The following KPNA3 variants were observed in gnomAD, a reference collection of about 807,000 sequenced individuals.
The protein encoded by KPNA3 is importin subunit alpha-4.
Under a neutral mutation model 73.8 loss-of-function variants are expected in KPNA3, and 13 were observed. The ratio of observed to expected loss-of-function variants is 0.18; its 90% confidence interval spans 0.11 to 0.28. The LOEUF (loss-of-function observed/expected upper bound fraction) is 0.28. Among genes scored for constraint, KPNA3 ranks in the 10% least tolerant of loss-of-function variants. The pLI is 1.00. For missense variants in KPNA3, 360 were observed against 618.1 expected (o/e 0.58, Z 4.43); for synonymous variants, 186 against 206.9 (o/e 0.90, Z 0.87).
At chr13:49,760,048 G>A (rs1371445532) in intron 1 of KPNA3, among the ~76,000 whole-genome samples, 1 of 152,118 alleles carries the variant, frequency 6.6e-6, no homozygotes, top group East Asian at 1.9e-4. Flanking sequence ...CAAATCATCT[G>A]AATCTGATAA....
intron 1 of KPNA3, among the ~76,000 whole-genome samples, chr13:49,788,863 T>C (rs1298920281): frequency 6.6e-6 from 1 of 151,942 alleles, no homozygotes; most frequent in Non-Finnish European, 1.5e-5. Flanking sequence ...TGATGATAAT[T>C]ACTCCCTCCC....
intron 2 of KPNA3, among the ~76,000 whole-genome samples, chr13:49,736,761 C>T (rs1954525750): frequency 6.6e-6 from 1 of 152,130 alleles, no homozygotes; most frequent in Non-Finnish European, 1.5e-5. Flanking sequence ...TCTACCACCA[C>T]AGTCAAGATG....
intron 12 of KPNA3, among the ~76,000 whole-genome samples, chr13:49,708,275 A>T (rs11839985): frequency 0.027 from 4,073 of 152,236 alleles, 187 homozygotes; most frequent in African/African-American, 0.092. Flanking sequence ...GATTACAGGC[A>T]TGAGCCACCA....
chr13:49,722,663 T>C (rs1052927951), intron 7 of KPNA3, 100 bp from the exon 8 acceptor site: 10 of 667,022 alleles, frequency 1.5e-5, no homozygotes, highest in Non-Finnish European at 2.5e-5. Context: ...TGGCATATTG[T>C]AGCTGGAAGA....
At chr13:49,733,344 G>C (rs1308432831) in intron 2 of KPNA3, among the ~76,000 whole-genome samples, 2 of 142,242 alleles carry the variant, frequency 1.4e-5, no homozygotes, top group Non-Finnish European at 3.0e-5. Context: ...CTGGAGTGCA[G>C]TGGCACAATC....
At position 49,792,546 on chromosome 13, in the gene KPNA3, C is replaced by T; in HGVS notation, c.-40G>A. ...CCGGCGGCGGCTACTCCTGCGGCTG[C>T]GGCGGCGGCGGCGGCGAATCTTGGA... On this transcript the variant is annotated 5_prime_UTR_variant, in exon 1 of 17. Coordinates refer to ENST00000261667, the MANE Select transcript of KPNA3 (RefSeq NM_002267.4). The T allele has an allele frequency of 1.9e-6, 2 of 1,039,794 alleles. No homozygotes were observed. Among genetic ancestry groups the T allele is most frequent in the East Asian group, 3.5e-5 (1 of 28,850 alleles). 64.4% of individuals were successfully genotyped at this position (1,039,794 alleles called of 1,614,324 possible). A position where few individuals can be genotyped will look rare whatever the true frequency, so the allele number is the denominator to read the frequency against.
chr13:49,740,849 C>T (rs1025863640), intron 2 of KPNA3, among the ~76,000 whole-genome samples: 22 of 152,156 alleles, frequency 1.4e-4, no homozygotes, highest in Admixed American at 4.6e-4. Context: ...AACCACCATC[C>T]TACATGAGTC....
At chr13:49,719,233 T>G (rs955574172) in intron 10 of KPNA3, among the ~76,000 whole-genome samples, 7 of 152,116 alleles carry the variant, frequency 4.6e-5, no homozygotes, top group Non-Finnish European at 1.5e-5. Flanking sequence ...AACTATATAT[T>G]CTTCTATACT....
intron 1 of KPNA3, among the ~76,000 whole-genome samples, chr13:49,773,241 GA>G (rs1187164706): frequency 1.3e-5 from 2 of 152,172 alleles, no homozygotes; most frequent in African/African-American, 4.8e-5. Context: ...AAGGGATATG[GA>G]GGAACTTTTG....
intron 1 of KPNA3, among the ~76,000 whole-genome samples, chr13:49,783,955 T>G (rs533955447): frequency 2.0e-5 from 3 of 152,304 alleles, no homozygotes; most frequent in African/African-American, 7.2e-5. Context: ...AGACTTTAAA[T>G]CAAACTTCCA....
At chr13:49,740,064 A>C (rs181943866) in intron 2 of KPNA3, among the ~76,000 whole-genome samples, 1 of 152,220 alleles carries the variant, frequency 6.6e-6, no homozygotes, top group East Asian at 1.9e-4. Context: ...CAGCCTGGGC[A>C]ACATGGCGAA....
intron 1 of KPNA3, among the ~76,000 whole-genome samples, chr13:49,773,815 C>T (rs1017721629): frequency 1.3e-5 from 2 of 152,292 alleles, no homozygotes; most frequent in South Asian, 2.1e-4. Flanking sequence ...CCTAAAACAA[C>T]TCTAGGCACC....
At chr13:49,768,567 A>ATTTTTT (rs67753113) in intron 1 of KPNA3, among the ~76,000 whole-genome samples, 1 of 64,894 alleles carries the variant, frequency 1.5e-5, no homozygotes, top group African/African-American at 6.2e-5. Flanking sequence ...GGGTTAATCA[A>ATTTTTT]TTTTTTTTTT....
At chr13:49,760,217 C>T (rs1954747504) in intron 1 of KPNA3, among the ~76,000 whole-genome samples, 1 of 152,026 alleles carries the variant, frequency 6.6e-6, no homozygotes, top group Admixed American at 6.6e-5. Flanking sequence ...CAAGACCAGC[C>T]TGGGCAACAT....
chr13:49,723,568 CA>C (rs569484021), intron 7 of KPNA3, among the ~76,000 whole-genome samples: 59 of 133,268 alleles, frequency 4.4e-4, no homozygotes, highest in Admixed American at 4.5e-4. Context: ...GACTCTGTCT[CA>C]AAAAAAAAAA....
At chr13:49,715,142 A>G (rs1256082552) in intron 10 of KPNA3, among the ~76,000 whole-genome samples, 1 of 152,166 alleles carries the variant, frequency 6.6e-6, no homozygotes, top group Non-Finnish European at 1.5e-5. Context: ...TAAAACATCT[A>G]TAGTTCAGAC....
At chr13:49,717,440 G>GAAAAAAAA (rs61581557) in intron 10 of KPNA3, among the ~76,000 whole-genome samples, 1 of 126,930 alleles carries the variant, frequency 7.9e-6, no homozygotes, top group African/African-American at 3.0e-5. Flanking sequence ...GGAAAAAAAA[G>GAAAAAAAA]AAAAAAAAAA....
At chr13:49,775,461 G>C (rs1158760812) in intron 1 of KPNA3, among the ~76,000 whole-genome samples, 1 of 152,036 alleles carries the variant, frequency 6.6e-6, no homozygotes, top group Non-Finnish European at 1.5e-5. Flanking sequence ...CTAATACCCT[G>C]GGTCACTGTG....
At chr13:49,732,571 A>C in intron 5 of KPNA3, 34 bp downstream of exon 5, 1 of 1,544,472 alleles carries the variant, frequency 6.5e-7, no homozygotes, top group Non-Finnish European at 8.9e-7. Flanking sequence ...CTGAGGAATG[A>C]CATAATTCTC....
Sources: gnomAD v4.1 joint callset for allele counts (sites outside exome capture counted in the v4.1 genomes callset) on GRCh38, gnomAD v4.1.1 for gene constraint, MANE v1.5 for transcripts, NCBI Gene and HGNC (gene_info 2026-07-23, HGNC 2026-07-21) for gene names.